SFMBT2: variants seen among roughly 807,000 people sequenced by gnomAD.
SFMBT2 encodes Scm like with four mbt domains 2, also known as scm-like with four MBT domains protein 2.
Under a neutral mutation model 110.1 loss-of-function variants are expected in SFMBT2, and 38 were observed. The ratio of observed to expected loss-of-function variants is 0.35; its 90% confidence interval spans 0.27 to 0.45. The LOEUF (loss-of-function observed/expected upper bound fraction) is 0.45. SFMBT2 is among the 20% of genes least tolerant of loss of function. The pLI is 1.00. For missense variants in SFMBT2, 1,011 were observed against 1,094.9 expected, an observed-to-expected ratio of 0.92 and a Z score of 1.08; for synonymous variants, 425 against 425.4, an observed-to-expected ratio of 1.00 and a Z score of 0.01.
intron 9 of SFMBT2, among the ~76,000 whole-genome samples, chr10:7,240,523 C>T (rs1588374397): frequency 6.6e-6 from 1 of 152,106 alleles, no homozygotes. Context: ...GGGGAAATTT[C>T]CAGAAGTGGA....
intron 17 of SFMBT2, among the ~76,000 whole-genome samples, chr10:7,173,240 G>A (rs1222954652): frequency 6.6e-5 from 10 of 152,170 alleles, no homozygotes; most frequent in Admixed American, 2.0e-4. Flanking sequence ...CAGTTCCCAC[G>A]GGAGTTTATC....
intron 6 of SFMBT2, among the ~76,000 whole-genome samples, chr10:7,281,538 CTACCACGTA>C (rs1841949252): frequency 6.6e-6 from 1 of 152,284 alleles, no homozygotes; most frequent in South Asian, 2.1e-4. Flanking sequence ...GGAAGTGGTG[CTACCACGTA>C]AGTCACACAA....
chr10:7,312,556 G>A (rs189918064), intron 4 of SFMBT2, among the ~76,000 whole-genome samples: 22 of 152,240 alleles, frequency 1.4e-4, no homozygotes, highest in East Asian at 1.4e-3. Context: ...ACAACCGGCC[G>A]GAGACAGCCT....
intron 11 of SFMBT2, among the ~76,000 whole-genome samples, chr10:7,213,643 GGA>G (rs1271237775): frequency 1.3e-5 from 2 of 152,258 alleles, no homozygotes; most frequent in Non-Finnish European, 2.9e-5. Flanking sequence ...GCTGCCACGT[GGA>G]GATGTTTTGC....
chr10:7,261,960 T>C (rs940144699), intron 7 of SFMBT2, among the ~76,000 whole-genome samples: 2 of 152,232 alleles, frequency 1.3e-5, no homozygotes, highest in East Asian at 1.9e-4. Flanking sequence ...CCCAGCAAAG[T>C]AGGCCAGCCT....
At chr10:7,378,500 G>GGC (rs1845329533) in intron 2 of SFMBT2, among the ~76,000 whole-genome samples, 1 of 99,488 alleles carries the variant, frequency 1.0e-5, no homozygotes, top group Non-Finnish European at 2.0e-5. Flanking sequence ...GTGGGTGTAT[G>GGC]TGTGGATGGG....
chr10:7,243,728 G>A (rs949806792), intron 8 of SFMBT2, 23 bp from the exon 9 acceptor site: 1 of 863,942 alleles, frequency 1.2e-6, no homozygotes, highest in Non-Finnish European at 2.0e-6. Context: ...AAATGGGGGA[G>A]CCAAAGGTTA....
chr10:7,268,054 C>T (rs550258996), intron 7 of SFMBT2, among the ~76,000 whole-genome samples: 5 of 152,240 alleles, frequency 3.3e-5, no homozygotes, highest in Admixed American at 6.5e-5. Context: ...TTTGCAAACA[C>T]GTAGGATCTC....
chr10:7,320,724 G>T, intron 4 of SFMBT2: 1 of 529,488 alleles, frequency 1.9e-6, no homozygotes, highest in Non-Finnish European at 2.4e-6. Context: ...TTTGCGGGCT[G>T]ACATGGAGAT....
intron 7 of SFMBT2, among the ~76,000 whole-genome samples, chr10:7,251,939 C>G (rs929440545): frequency 6.6e-6 from 1 of 152,186 alleles, no homozygotes; most frequent in Admixed American, 6.5e-5. Flanking sequence ...TAGAGGCATC[C>G]TGACAGCCAC....
intron 2 of SFMBT2, among the ~76,000 whole-genome samples, chr10:7,373,788 A>G (rs1845126340): frequency 6.6e-6 from 1 of 152,204 alleles, no homozygotes; most frequent in South Asian, 2.1e-4. Flanking sequence ...AGAGGAGAAG[A>G]GTGGACTGAG....
At chr10:7,239,024 C>G (rs1383308300) in intron 9 of SFMBT2, among the ~76,000 whole-genome samples, 2 of 152,194 alleles carry the variant, frequency 1.3e-5, no homozygotes, top group Non-Finnish European at 2.9e-5. Context: ...CACTGAAAAA[C>G]TCGTATCCAC....
chr10:7,226,125 T>C (rs1336581415), intron 10 of SFMBT2, among the ~76,000 whole-genome samples: 4 of 152,348 alleles, frequency 2.6e-5, no homozygotes, highest in African/African-American at 9.6e-5. Context: ...GAGCCCGGAC[T>C]GGGAACCACA....
chr10:7,321,049 G>A lies in SFMBT2; in HGVS notation c.437-35095C>T, dbSNP rs1457271382. Among the ~76,000 whole-genome samples the A allele has an allele frequency of 3.3e-5, 5 of 152,104 alleles. No homozygotes were observed. The East Asian group carries it at 7.7e-4, about 23-fold the overall frequency. ...TGTTATTTTTAATTAATAATGACAT[G>A]GTTTATTACAGGATTCCTCCTATAT... On this transcript the variant is annotated intron_variant, in intron 4 of 20. Coordinates refer to ENST00000397167, the MANE Select transcript of SFMBT2 (RefSeq NM_001387889.1).
At chr10:7,275,173 T>C (rs759049680) in intron 7 of SFMBT2, among the ~76,000 whole-genome samples, 1 of 152,246 alleles carries the variant, frequency 6.6e-6, no homozygotes, top group African/African-American at 2.4e-5. Flanking sequence ...TTCACTGGCC[T>C]GGCAGCTCCG....
chr10:7,399,465 C>A (rs986011597), intron 1 of SFMBT2, among the ~76,000 whole-genome samples: 71 of 152,184 alleles, frequency 4.7e-4, no homozygotes, highest in Non-Finnish European at 8.5e-4. Context: ...CTCCTGACCT[C>A]AAGTGATCTG....
intron 4 of SFMBT2, among the ~76,000 whole-genome samples, chr10:7,306,270 G>C (rs1002113510): frequency 6.6e-6 from 1 of 152,324 alleles, no homozygotes; most frequent in Admixed American, 6.5e-5. Flanking sequence ...ACCCACCCCC[G>C]GCACTTGCCT....
At chr10:7,250,779 CT>C (rs2131738773) in intron 7 of SFMBT2, among the ~76,000 whole-genome samples, 1 of 152,304 alleles carries the variant, frequency 6.6e-6, no homozygotes. Flanking sequence ...GCCATTCTTA[CT>C]GGTGTGAGAC....
chr10:7,328,433 A>G (rs1245227510), intron 4 of SFMBT2, among the ~76,000 whole-genome samples: 1 of 152,136 alleles, frequency 6.6e-6, no homozygotes, highest in African/African-American at 2.4e-5. Flanking sequence ...TTGACATTTC[A>G]TTCTTTTAAG....
Sources: gnomAD v4.1 joint callset for allele counts (sites outside exome capture counted in the v4.1 genomes callset) on GRCh38, gnomAD v4.1.1 for gene constraint, MANE v1.5 for transcripts, NCBI Gene and HGNC (gene_info 2026-07-23, HGNC 2026-07-21) for gene names.